Variants in PRNP observed in about 807,000 individuals in gnomAD.
The protein encoded by PRNP is prion protein (Kanno blood group).
Under a neutral mutation model 21.3 loss-of-function variants are expected in PRNP, and 15 were observed. The observed-to-expected ratio is 0.71, with a 90% CI of 0.47 to 1.09. The LOEUF (loss-of-function observed/expected upper bound fraction) is 1.09. Among genes scored for constraint, PRNP ranks in the 50% least tolerant of loss-of-function variants. PRNP has a pLI of 0.00. For missense variants in PRNP, 285 were observed against 340.9 expected (o/e 0.84, Z 1.29); for synonymous variants, 121 against 123.1 (o/e 0.98, Z 0.11).
At chr20:4,696,049 T>C (rs533847166) in intron 1 of PRNP, among the ~76,000 whole-genome samples, 1 of 152,334 alleles carries the variant, frequency 6.6e-6, no homozygotes, top group East Asian at 1.9e-4. Context: ...TTCGTCACTG[T>C]GGTTTTGTAG....
At chr20:4,687,235 C>CGGGCGG (rs892631097) in intron 1 of PRNP, among the ~76,000 whole-genome samples, 7 of 151,418 alleles carry the variant, frequency 4.6e-5, no homozygotes, top group Non-Finnish European at 8.8e-5. Flanking sequence ...CGCGGACTGA[C>CGGGCGG]GGGCGGGGGC....
intron 1 of PRNP, among the ~76,000 whole-genome samples, chr20:4,692,529 A>G (rs529692563): frequency 1.3e-5 from 2 of 152,194 alleles, no homozygotes; most frequent in East Asian, 1.9e-4. Context: ...TAAAATTATG[A>G]TATCTTGGGC....
chr20:4,700,050 C>T lies in PRNP; in HGVS notation c.*68C>T. 2.6e-6 allele frequency: 4 copies of T among 1,553,250 alleles called. No individual in the cohort carries two copies. Among genetic ancestry groups the T allele is most frequent in the Non-Finnish European group, 3.5e-6 (4 of 1,147,974 alleles). On this transcript the variant is annotated 3_prime_UTR_variant, in exon 2 of 2. Transcript: ENST00000379440. This position sits in a 1 kb window ranked among gnomAD's most constrained non-coding sequence, Gnocchi z 4.1. ...GCTTGAGGGAGGCGGTATCCACCTG[C>T]AGCCCTTTTAGTGGTGGTGTCTCAC... is the stretch of plus-strand genomic sequence containing the variant.
chr20:4,698,593 TAAAAA>T (rs1210798241), intron 1 of PRNP, among the ~76,000 whole-genome samples: 1 of 151,868 alleles, frequency 6.6e-6, no homozygotes, highest in Non-Finnish European at 1.5e-5. Context: ...TTTTAAAAAA[TAAAAA>T]TAAAAAAGGA....
At chr20:4,687,669 C>T (rs1921564370) in intron 1 of PRNP, among the ~76,000 whole-genome samples, 1 of 152,126 alleles carries the variant, frequency 6.6e-6, no homozygotes, top group East Asian at 1.9e-4. Flanking sequence ...GTTTTTGTTT[C>T]CTAGCCTCCA....
At chr20:4,694,881 A>G (rs892735488) in intron 1 of PRNP, among the ~76,000 whole-genome samples, 5 of 151,364 alleles carry the variant, frequency 3.3e-5, no homozygotes, top group African/African-American at 1.2e-4. Flanking sequence ...CATTTTTATT[A>G]TATTCTTAAT....
At chr20:4,695,300 G>A (rs923425358) in intron 1 of PRNP, among the ~76,000 whole-genome samples, 6 of 152,066 alleles carry the variant, frequency 3.9e-5, no homozygotes, top group South Asian at 2.1e-4. Context: ...TTAGCCCTCC[G>A]ATAGGCCCTA....
chr20:4,693,738 C>T (rs1156941362), intron 1 of PRNP, among the ~76,000 whole-genome samples: 3 of 152,078 alleles, frequency 2.0e-5, no homozygotes, highest in Admixed American at 6.5e-5. Context: ...AGAATTCTGA[C>T]ACTTGAAATG....
intron 1 of PRNP, among the ~76,000 whole-genome samples, chr20:4,688,523 T>C (rs1362467633): frequency 6.6e-6 from 1 of 152,188 alleles, no homozygotes; most frequent in Admixed American, 6.5e-5. Context: ...ACCCCACTCC[T>C]GAGAACTTAC....
rs745591526 is a variant in PRNP, at chr20:4,699,994, CTGTTT to C, written c.*14_*18del. ...TGATAGTGGGATGAGGAAGGTCTTC[CTGTTT>C]TCACCATCTTTCTAATCTTTTTCCA... On this transcript the variant is annotated 3_prime_UTR_variant, in exon 2 of 2. Transcript: ENST00000379440. This position sits in a 1 kb window ranked among gnomAD's most constrained non-coding sequence, Gnocchi z 5.8. 2 of 1,595,724 alleles carry C rather than the reference CTGTTT, an allele frequency of 1.3e-6. No homozygotes were observed. Among genetic ancestry groups the C allele is most frequent in the Non-Finnish European group, 1.7e-6 (2 of 1,170,574 alleles).
intron 1 of PRNP, among the ~76,000 whole-genome samples, chr20:4,691,523 G>A (rs1921827055): frequency 6.6e-6 from 1 of 152,222 alleles, no homozygotes; most frequent in Admixed American, 6.5e-5. Flanking sequence ...TGAAATGATC[G>A]TATGGTTATT....
At chr20:4,698,099 T>G (rs1355964960) in intron 1 of PRNP, among the ~76,000 whole-genome samples, 1 of 152,056 alleles carries the variant, frequency 6.6e-6, no homozygotes, top group East Asian at 1.9e-4. Context: ...GAGCTGGGCC[T>G]CACGAGATTG....
intron 1 of PRNP, among the ~76,000 whole-genome samples, chr20:4,696,841 A>G (rs1263846581): frequency 6.6e-6 from 1 of 152,242 alleles, no homozygotes; most frequent in South Asian, 2.1e-4. Flanking sequence ...CTCACCACCC[A>G]TCTCCACTCC....
rs182421647 is a variant in PRNP at position 4,695,199 on chromosome 20, C to T, written c.-10-4012C>T. 4.3e-3 allele frequency among the ~76,000 whole-genome samples: 654 copies of T among 151,870 alleles called. 17 individuals carry two copies. The highest frequency in any genetic ancestry group is 0.039 in the Admixed American group (600 of 15,250). ...TGCAGGTTTGTTCCATAGGTAAACT[C>T]GTGTCATGGGGGTTTGTCATACAGA... On this transcript the variant is annotated intron_variant, in intron 1 of 1. Transcript: ENST00000379440.
chr20:4,695,464 T>C (rs2122216898), intron 1 of PRNP, among the ~76,000 whole-genome samples: 1 of 152,298 alleles, frequency 6.6e-6, no homozygotes, highest in East Asian at 1.9e-4. Context: ...CTGCATAGTA[T>C]TCGATAGCAT....
At chr20:4,687,388 G>A (rs1484505402) in intron 1 of PRNP, among the ~76,000 whole-genome samples, 2 of 152,198 alleles carry the variant, frequency 1.3e-5, no homozygotes. Flanking sequence ...ATTCCTCCCA[G>A]TCCCCCTGGA....
chr20:4,688,169 A>G (rs942129786), intron 1 of PRNP, among the ~76,000 whole-genome samples: 1 of 152,230 alleles, frequency 6.6e-6, no homozygotes, highest in Non-Finnish European at 1.5e-5. Flanking sequence ...TAAAATGCAA[A>G]TTAGAGCATG....
At position 4,697,700 on chromosome 20, in the gene PRNP, G is replaced by A. The variant is rs1469494083; in HGVS notation, c.-10-1511G>A. Reference sequence around the variant, plus strand: ...AGAGTACAAAGGAGCCTCACTGAGGGACAAGGGAAGTGGCATGATGTGACC... The same window carrying A: ...AGAGTACAAAGGAGCCTCACTGAGGAACAAGGGAAGTGGCATGATGTGACC... On this transcript the variant is annotated intron_variant, in intron 1 of 1. Coordinates refer to ENST00000379440, the MANE Select transcript of PRNP (RefSeq NM_000311.5). The surrounding 1 kb of genome is among the most constrained non-coding windows in gnomAD (Gnocchi z 4.6). 6.6e-6 allele frequency among the ~76,000 whole-genome samples: 1 copy of A among 152,188 alleles called. No individual in the cohort carries two copies. Among genetic ancestry groups the A allele is most frequent in the Non-Finnish European group, 1.5e-5 (1 of 68,042 alleles).
rs551994218 is a variant in PRNP at position 4,700,549 on chromosome 20, G to A, written c.*567G>A. ...CTGGAGCATGAGCTCTGTGTGTACC[G>A]AGAACTGGGGTGATGTTTTACTTTT... is the stretch of plus-strand genomic sequence containing the variant. On this transcript the variant is annotated 3_prime_UTR_variant, in exon 2 of 2. Transcript: ENST00000379440. The surrounding 1 kb of genome is among the most constrained non-coding windows in gnomAD (Gnocchi z 4.1). 29 of 271,770 alleles carry A rather than the reference G, an allele frequency of 1.1e-4. No homozygotes were observed. In the South Asian group the frequency reaches 1.3e-3, roughly 12 times the overall value. 16.8% of individuals were successfully genotyped at this position (271,770 alleles called of 1,614,324 possible). A position where few individuals can be genotyped will look rare whatever the true frequency, so the allele number is the denominator to read the frequency against.
Sources: gnomAD v4.1 joint callset for allele counts (sites outside exome capture counted in the v4.1 genomes callset) on GRCh38, gnomAD v4.1.1 for gene constraint, Gnocchi (gnomAD v3.1) non-coding constraint, MANE v1.5 for transcripts, NCBI Gene and HGNC (gene_info 2026-07-23, HGNC 2026-07-21) for gene names.